The following SPAG6 variants were observed in gnomAD, a reference collection of about 807,000 sequenced individuals.
SPAG6 encodes the protein sperm-associated antigen 6.
A neutral mutation model predicts 58.5 loss-of-function variants in SPAG6; 49 were observed. The ratio of observed to expected loss-of-function variants is 0.84; its 90% CI spans 0.67 to 1.06. The LOEUF (loss-of-function observed/expected upper bound fraction) is 1.06, where lower values mean the gene tolerates loss of function less well. Among genes scored for constraint, SPAG6 ranks in the 50% least tolerant of loss-of-function variants. SPAG6 has a pLI of 0.00. For synonymous variants in SPAG6, 233 were observed against 225.6 expected (o/e 1.03, Z -0.29); for missense variants, 560 against 611.3 (o/e 0.92, Z 0.89).
chr10:22,395,765 A>C (rs1834278361), intron 8 of SPAG6, among the ~76,000 whole-genome samples: 1 of 152,232 alleles, frequency 6.6e-6, no homozygotes. Flanking sequence ...TGTTGTATCT[A>C]AGAAGGCTTT....
chr10:22,358,641 C>G (rs1358475748), intron 2 of SPAG6, among the ~76,000 whole-genome samples: 1 of 151,576 alleles, frequency 6.6e-6, no homozygotes, highest in Non-Finnish European at 1.5e-5. Context: ...GTGTTTTAGA[C>G]ATGAAGTCCT....
At chr10:22,348,544 A>G (rs973404094) in intron 2 of SPAG6, among the ~76,000 whole-genome samples, 4 of 152,194 alleles carry the variant, frequency 2.6e-5, no homozygotes, top group African/African-American at 9.7e-5. Context: ...AATATATATC[A>G]TGGATCCAAG....
intron 2 of SPAG6, among the ~76,000 whole-genome samples, chr10:22,358,964 G>A (rs1836953118): frequency 6.6e-6 from 1 of 152,228 alleles, no homozygotes; most frequent in South Asian, 2.1e-4. Flanking sequence ...GCACAGAGAT[G>A]TTAAGTAGTC....
Position 22,391,255 on chromosome 10 carries a change from G to A in SPAG6, c.1006-474G>A, listed in dbSNP as rs76396473. On this transcript the variant is annotated intron_variant, in intron 7 of 10. Transcript: ENST00000376624. ...GGAAAGGTGTTAGTGAATATATTCC[G>A]CTGACAAGGTACTTAGGATTCTTAC... Among the ~76,000 whole-genome samples, 1,412 of 152,214 alleles carry A rather than the reference G, an allele frequency of 9.3e-3. 24 individuals are homozygous for A. The highest frequency in any genetic ancestry group is 0.033 in the African/African-American group (1,356 of 41,530).
At chr10:22,410,755 C>G (rs1439638949) in intron 9 of SPAG6, among the ~76,000 whole-genome samples, 1 of 152,132 alleles carries the variant, frequency 6.6e-6, no homozygotes, top group African/African-American at 2.4e-5. Context: ...GCAAAGAGAC[C>G]TTGAATGGTG....
chr10:22,415,244 TA>T (rs1189617640), intron 10 of SPAG6, among the ~76,000 whole-genome samples: 1 of 150,522 alleles, frequency 6.6e-6, no homozygotes, highest in Non-Finnish European at 1.5e-5. Flanking sequence ...ATTAATATGT[TA>T]ATATGGTAAA....
intron 2 of SPAG6, among the ~76,000 whole-genome samples, chr10:22,353,532 G>A (rs994784774): frequency 6.6e-6 from 1 of 152,188 alleles, no homozygotes; most frequent in African/African-American, 2.4e-5. Context: ...GAAAACAACT[G>A]TGAACACAAT....
chr10:22,379,198 C>G (rs1365796029), intron 4 of SPAG6, among the ~76,000 whole-genome samples: 1 of 152,208 alleles, frequency 6.6e-6, no homozygotes, highest in Non-Finnish European at 1.5e-5. Flanking sequence ...AGATGTCAAT[C>G]TCTCAGCTGA....
intron 2 of SPAG6, among the ~76,000 whole-genome samples, chr10:22,347,392 T>G (rs1836593679): frequency 6.6e-6 from 1 of 152,216 alleles, no homozygotes; most frequent in Non-Finnish European, 1.5e-5. Flanking sequence ...TAGAACATGT[T>G]ACATTTTAGA....
chr10:22,393,899 A>G (rs1334378615), intron 8 of SPAG6, among the ~76,000 whole-genome samples: 1 of 152,054 alleles, frequency 6.6e-6, no homozygotes, highest in Non-Finnish European at 1.5e-5. Flanking sequence ...CTCATTTGTT[A>G]CTCTATGGCA....
rs1242817502 is a variant in SPAG6, at chr10:22,387,810, T to A, written c.679-13T>A. The stretch of plus-strand genomic sequence containing the variant: ...TAGTGTTTTGTTGTTGTTGTTTTTT[T>A]TTTGCTTCACAGCATCAGATCCTTT... On this transcript the variant is annotated splice_polypyrimidine_tract_variant and intron_variant, in intron 5 of 10. Transcript: ENST00000376624. 1.3e-6 allele frequency: 2 copies of A among 1,592,954 alleles called. No homozygotes were observed. The highest frequency in any genetic ancestry group is 1.7e-6 in the Non-Finnish European group (2 of 1,174,134).
intron 2 of SPAG6, among the ~76,000 whole-genome samples, chr10:22,356,676 G>C (rs1241414090): frequency 6.6e-6 from 1 of 152,216 alleles, no homozygotes; most frequent in Admixed American, 6.5e-5. Context: ...AAATATCACT[G>C]ATTCCTTTCC....
intron 3 of SPAG6, among the ~76,000 whole-genome samples, chr10:22,366,289 G>A (rs1371038703): frequency 6.6e-6 from 1 of 152,154 alleles, no homozygotes; most frequent in Non-Finnish European, 1.5e-5. Flanking sequence ...CATATGCTAA[G>A]TGCAAGAAGC....
chr10:22,369,678 T>C (rs1416919760), intron 4 of SPAG6, among the ~76,000 whole-genome samples: 1 of 152,198 alleles, frequency 6.6e-6, no homozygotes, highest in Non-Finnish European at 1.5e-5. Context: ...GGATGACTAA[T>C]AGTGGTTACA....
At chr10:22,359,417 T>C in intron 2 of SPAG6, 22 of 251,628 alleles carry the variant, frequency 8.7e-5, no homozygotes, top group Non-Finnish European at 1.3e-4. Flanking sequence ...TGAGATGGAG[T>C]CTCATTCACT....
At chr10:22,411,838 A>ATTTTTTTTTTTTTT (rs1283503992) in intron 10 of SPAG6, among the ~76,000 whole-genome samples, 1 of 132,714 alleles carries the variant, frequency 7.5e-6, no homozygotes, top group African/African-American at 3.4e-5. Flanking sequence ...AAACAACTGA[A>ATTTTTTTTTTTTTT]TCTTTTTTTT....
rs113712199 is a variant in SPAG6 at position 22,395,511 on chromosome 10, G to T, written c.1197+3591G>T. The stretch of plus-strand genomic sequence containing the variant: ...TGAAAATCTTTTCATATGTTTATTG[G>T]CTGTTCATACGTCTTCTTTAGAGAG... On this transcript the variant is annotated intron_variant, in intron 8 of 10. Coordinates refer to ENST00000376624, the MANE Select transcript of SPAG6 (RefSeq NM_012443.4). Among the ~76,000 whole-genome samples the T allele has an allele frequency of 1.7e-3, 265 of 152,180 alleles. 4 individuals are homozygous for T. Among genetic ancestry groups the T allele is most frequent in the African/African-American group, 5.8e-3 (241 of 41,526 alleles).
intron 8 of SPAG6, among the ~76,000 whole-genome samples, chr10:22,400,305 T>C (rs538015857): frequency 1.8e-4 from 27 of 152,200 alleles, no homozygotes; most frequent in African/African-American, 4.3e-4. Context: ...TGTGGAATTC[T>C]AGTGGAAAAT....
intron 8 of SPAG6, among the ~76,000 whole-genome samples, chr10:22,398,337 C>A (rs983517889): frequency 2.0e-5 from 3 of 151,978 alleles, no homozygotes; most frequent in Non-Finnish European, 4.4e-5. Context: ...TCAGGTTAGG[C>A]AATTATTTTT....
Sources: allele counts gnomAD v4.1 joint callset (sites outside exome capture counted in the v4.1 genomes callset), GRCh38; gene constraint gnomAD v4.1.1; transcripts MANE v1.5; gene names NCBI Gene and HGNC (gene_info 2026-07-23, HGNC 2026-07-21).